Variants in WASHC5 observed in about 807,000 individuals in gnomAD.
WASHC5 encodes the protein WASH complex subunit strumpellin.
A neutral mutation model predicts 150.4 loss-of-function variants in WASHC5; 101 were observed. The ratio of observed to expected loss-of-function variants is 0.67; its 90% CI spans 0.57 to 0.79. The LOEUF is 0.79. Ranked by LOEUF, WASHC5 falls within the 30% of genes least tolerant of loss-of-function variation. The pLI, the probability that WASHC5 is intolerant of heterozygous loss-of-function variation, is 0.00. For synonymous variants in WASHC5, 467 were observed against 491.2 expected (o/e 0.95, Z 0.65); for missense variants, 1,195 against 1,396.3 (o/e 0.86, Z 2.30).
chr8:125,078,860 T>G lies in WASHC5; in HGVS notation c.589A>C (p.Ser197Arg), dbSNP rs779478634. The change falls in exon 6 of 29, where the codon AGC becomes CGC. Residue 197 changes from serine to arginine, a missense_variant. By Grantham distance (110) the Ser-to-Arg change is moderately radical (BLOSUM62 -1). Around this residue, in one of 3 missense-constraint regions of WASHC5, gnomAD observed 3 missense variants for 21.3 expected, o/e 0.14. Coordinates refer to ENST00000318410, the MANE Select transcript of WASHC5 (RefSeq NM_014846.4). Reference sequence around the variant, plus strand: ...GATGGTCTTTTGGCACCTGGTTGGCTAGAATAACCTGTACTTCGAAGCAGC... The same window carrying G: ...GATGGTCTTTTGGCACCTGGTTGGCGAGAATAACCTGTACTTCGAAGCAGC... ...CKLLRSTGYSSQPGAKRPSNY... is the reference protein window; with the variant it reads ...CKLLRSTGYSRQPGAKRPSNY... 6.2e-7 allele frequency: 1 copy of G among 1,613,840 alleles called. No homozygotes were observed. The highest frequency in any genetic ancestry group is 8.5e-7 in the Non-Finnish European group (1 of 1,179,940).
At chr8:125,085,493 A>G (rs1817392947) in intron 1 of WASHC5, among the ~76,000 whole-genome samples, 1 of 152,226 alleles carries the variant, frequency 6.6e-6, no homozygotes, top group Admixed American at 6.5e-5. Flanking sequence ...CAGAGAGAGA[A>G]GCGGAGGCAG....
chr8:125,028,576 C>A (rs1304498970), intron 28 of WASHC5, 44 bp downstream of exon 28: 3 of 1,406,972 alleles, frequency 2.1e-6, no homozygotes, highest in South Asian at 1.2e-5. Context: ...TTATTAGCAT[C>A]TTTTTACAAC....
intron 5 of WASHC5, among the ~76,000 whole-genome samples, chr8:125,080,588 A>G (rs1428188223): frequency 6.6e-6 from 1 of 152,164 alleles, no homozygotes; most frequent in Non-Finnish European, 1.5e-5. Context: ...TCTACTCTTT[A>G]CATCTTTAGC....
At chr8:125,070,728 CA>C (rs1180502675) in intron 9 of WASHC5, among the ~76,000 whole-genome samples, 2 of 152,206 alleles carry the variant, frequency 1.3e-5, no homozygotes, top group Non-Finnish European at 2.9e-5. Flanking sequence ...TTAAAAACTT[CA>C]GCCATCGTGT....
intron 19 of WASHC5, among the ~76,000 whole-genome samples, chr8:125,048,000 T>A (rs575741257): frequency 6.6e-6 from 1 of 152,342 alleles, no homozygotes; most frequent in Non-Finnish European, 1.5e-5. Context: ...CATGAGCTAC[T>A]GTACCTGGCC....
chr8:125,064,021 C>T (rs1182441099), intron 10 of WASHC5, among the ~76,000 whole-genome samples: 1 of 152,176 alleles, frequency 6.6e-6, no homozygotes, highest in East Asian at 1.9e-4. Flanking sequence ...ATGGTTCCTT[C>T]TAGGCAACAA....
intron 28 of WASHC5, among the ~76,000 whole-genome samples, chr8:125,028,177 G>A (rs1287939732): frequency 6.6e-6 from 1 of 152,206 alleles, no homozygotes; most frequent in Non-Finnish European, 1.5e-5. Context: ...TGTCTTGGCA[G>A]GTAAAAAGTA....
At chr8:125,053,197 C>T (rs1816299682) in intron 17 of WASHC5, among the ~76,000 whole-genome samples, 4 of 151,440 alleles carry the variant, frequency 2.6e-5, no homozygotes, top group Admixed American at 6.6e-5. Flanking sequence ...ACTGAACCTA[C>T]ACTTTTTATA....
intron 11 of WASHC5, among the ~76,000 whole-genome samples, 164 bp from the exon 12 acceptor site, chr8:125,061,358 T>C (rs1361394270): frequency 6.6e-6 from 1 of 152,178 alleles, no homozygotes; most frequent in Non-Finnish European, 1.5e-5. Flanking sequence ...GCATGCGACA[T>C]AGTAGAATAA....
At chr8:125,032,461 C>T (rs1019119983) in intron 26 of WASHC5, 67 bp from the exon 27 acceptor site, 64 of 1,545,176 alleles carry the variant, frequency 4.1e-5, no homozygotes, top group Non-Finnish European at 5.1e-5. Context: ...TAAATACCAA[C>T]GCTGTGAAGG....
In WASHC5 at chr8:125,089,484, T is replaced by C. The variant is rs138465826; in HGVS notation, c.-125+2131A>G. On this transcript the variant is annotated intron_variant, in intron 1 of 28. Coordinates refer to ENST00000318410, the MANE Select transcript of WASHC5 (RefSeq NM_014846.4). ...ACATTCAAAGCCATTCTGGGCCGCA[T>C]GTGGCCTGCAGGCCTCAGGCTACAC... 5.4e-3 allele frequency among the ~76,000 whole-genome samples: 821 copies of C among 152,340 alleles called. 7 individuals carry two copies. Among genetic ancestry groups the C allele is most frequent in the African/African-American group, 0.019 (795 of 41,576 alleles).
intron 10 of WASHC5, among the ~76,000 whole-genome samples, chr8:125,067,176 A>G (rs1178352583): frequency 3.9e-5 from 6 of 152,012 alleles, no homozygotes; most frequent in Non-Finnish European, 8.8e-5. Context: ...CACCATGCCC[A>G]GCTAATTTTT....
rs1053397256 is a variant in WASHC5 at position 125,037,305 on chromosome 8, T to A, written c.3113A>T (p.Tyr1038Phe). 6.2e-7 allele frequency: 1 copy of A among 1,611,334 alleles called. No individual in the cohort carries two copies. The highest frequency in any genetic ancestry group is 8.5e-7 in the Non-Finnish European group (1 of 1,177,776). Reference sequence around the variant, plus strand: ...AAATAGAAAGTTTACAATTGGAAAATAGGGTAAGCGCTTTGTTGTTATGTA... The same window carrying A: ...AAATAGAAAGTTTACAATTGGAAAAAAGGGTAAGCGCTTTGTTGTTATGTA... Reference protein sequence around the residue: ...KIYITTKRLPYFPIVNFLFLI... With the variant: ...KIYITTKRLPFFPIVNFLFLI... The change falls in exon 26 of 29, where the codon TAT becomes TTT. Residue 1038 changes from tyrosine (Y) to phenylalanine (F), a missense_variant. Transcript: ENST00000318410.
intron 4 of WASHC5, 62 bp downstream of exon 4, chr8:125,082,319 GAA>G (rs879524652): frequency 4.2e-6 from 4 of 949,150 alleles, no homozygotes; most frequent in Admixed American, 1.8e-5. Flanking sequence ...TGACTTAAAA[GAA>G]AAAAAAGTGA....
intron 27 of WASHC5, among the ~76,000 whole-genome samples, chr8:125,029,030 CTTT>C (rs574526697): frequency 1.2e-3 from 145 of 122,830 alleles, no homozygotes; most frequent in Non-Finnish European, 1.8e-3. Context: ...TCCCTGCACA[CTTT>C]TTTTTTTTTT....
At chr8:125,067,751 A>G in intron 9 of WASHC5, 32 bp from the exon 10 acceptor site, 1 of 1,606,446 alleles carries the variant, frequency 6.2e-7, no homozygotes, top group Non-Finnish European at 8.5e-7. Context: ...CCTGCTTACT[A>G]AATGTGTAGA....
chr8:125,049,998 G>A (rs1816192173), intron 18 of WASHC5, among the ~76,000 whole-genome samples: 1 of 151,248 alleles, frequency 6.6e-6, no homozygotes, highest in African/African-American at 2.4e-5. Context: ...ATTTGGGAAG[G>A]AAGCCTCATA....
intron 25 of WASHC5, among the ~76,000 whole-genome samples, chr8:125,037,839 T>C (rs574263402): frequency 6.6e-6 from 1 of 152,176 alleles, no homozygotes; most frequent in Non-Finnish European, 1.5e-5. Flanking sequence ...TGCTGTCCCC[T>C]AGGCAATGTC....
At chr8:125,076,095 T>C (rs1370958857) in intron 7 of WASHC5, among the ~76,000 whole-genome samples, 8 of 152,236 alleles carry the variant, frequency 5.3e-5, no homozygotes, top group Non-Finnish European at 2.9e-5. Context: ...GCAAGAGACA[T>C]TTTAATAAAT....
Sources: gnomAD v4.1 joint callset for allele counts (sites outside exome capture counted in the v4.1 genomes callset) on GRCh38, gnomAD v4.1.1 for gene constraint, gnomAD v4.1.1 regional missense constraint, MANE v1.5 for transcripts, NCBI Gene and HGNC (gene_info 2026-07-23, HGNC 2026-07-21) for gene names.